The following S100A10 variants were observed in gnomAD, a reference collection of about 807,000 sequenced individuals.
S100A10 encodes the protein protein S100-A10.
A neutral mutation model predicts 7.1 loss-of-function variants in S100A10; 3 were observed. The observed-to-expected ratio is 0.42, with a 90% CI of 0.19 to 1.10. The LOEUF is 1.10. Among genes scored for constraint, S100A10 ranks in the 50% least tolerant of loss-of-function variants. The probability of loss-of-function intolerance (pLI) is 0.29; values close to 1 mark genes in which losing one functional copy is unlikely to be tolerated. For missense variants in S100A10, 101 were observed against 118.1 expected (o/e 0.86, Z 0.67); for synonymous variants, 41 against 39.3 (o/e 1.04, Z -0.16).
chr1:151,988,090 T>A (rs1411506226), intron 1 of S100A10, among the ~76,000 whole-genome samples: 1 of 152,152 alleles, frequency 6.6e-6, no homozygotes, highest in African/African-American at 2.4e-5. Context: ...GAAGCGTTTA[T>A]AAGAAAGGAA....
In S100A10 at chr1:151,983,328, A is replaced by G; in HGVS notation, c.133-4T>C. 1 of 1,354,002 alleles carries G rather than the reference A, an allele frequency of 7.4e-7. No individual in the cohort carries two copies. 83.9% of individuals were successfully genotyped at this position (1,354,002 alleles called of 1,614,324 possible). A position where few individuals can be genotyped will look rare whatever the true frequency, so the allele number is the denominator to read the frequency against. On this transcript the variant is annotated splice_polypyrimidine_tract_variant and splice_region_variant and intron_variant, in intron 2 of 2. Coordinates refer to ENST00000368811, the MANE Select transcript of S100A10 (RefSeq NM_002966.3). Reference sequence around the variant, plus strand: ...CAGCCAGAGGGTCTTTTTGATTCTGAAAAAAAAAAGAACAAAGGCAAGAAA... The same window carrying G: ...CAGCCAGAGGGTCTTTTTGATTCTGGAAAAAAAAAGAACAAAGGCAAGAAA...
chr1:151,984,341 G>A (rs1472611098), intron 2 of S100A10, among the ~76,000 whole-genome samples: 2 of 152,082 alleles, frequency 1.3e-5, no homozygotes, highest in African/African-American at 4.8e-5. Flanking sequence ...TTTCCCACAT[G>A]AGCACTGCAA....
chr1:151,984,647 TC>T (rs1655754641), intron 2 of S100A10, among the ~76,000 whole-genome samples: 1 of 152,216 alleles, frequency 6.6e-6, no homozygotes, highest in South Asian at 2.1e-4. Context: ...TACATGATAC[TC>T]ACTCTGGCTC....
rs531398723 is a variant in S100A10 at position 151,993,589 on chromosome 1, G to A, written c.-22+163C>T. ...GAGGGGCGCTGCTGGCCTCGTTTGGGTGTGGCCCGGAGCACTGAGCAGCGG... is the reference window on the plus strand; with the variant it reads ...GAGGGGCGCTGCTGGCCTCGTTTGGATGTGGCCCGGAGCACTGAGCAGCGG... On this transcript the variant is annotated intron_variant, in intron 1 of 2. Coordinates refer to ENST00000368811, the MANE Select transcript of S100A10 (RefSeq NM_002966.3). The surrounding 1 kb of genome is among the most constrained non-coding windows in gnomAD (Gnocchi z 5.1). Among the ~76,000 whole-genome samples, 3 of 152,292 alleles carry A rather than the reference G, an allele frequency of 2.0e-5. No homozygotes were observed. Among genetic ancestry groups the A allele is most frequent in the African/African-American group, 7.2e-5 (3 of 41,578 alleles).
chr1:151,984,866 TG>T (rs1475446866), intron 2 of S100A10, among the ~76,000 whole-genome samples: 1 of 152,218 alleles, frequency 6.6e-6, no homozygotes, highest in Non-Finnish European at 1.5e-5. Context: ...TGAAGCAACC[TG>T]CCCATTGTTA....
rs375818744 is a variant in S100A10 at position 151,993,157 on chromosome 1, C to T, written c.-22+595G>A. 1.8e-4 allele frequency among the ~76,000 whole-genome samples: 28 copies of T among 152,296 alleles called. 2 individuals carry two copies. The South Asian group carries it at 5.0e-3, about 27-fold the overall frequency. The stretch of plus-strand genomic sequence containing the variant: ...TGTAGAAAGAAAACAAGTGGACCTC[C>T]CTCCCTCAGCAGGAAGACCCTTTCC... On this transcript the variant is annotated intron_variant, in intron 1 of 2. Transcript: ENST00000368811. This position sits in a 1 kb window ranked among gnomAD's most constrained non-coding sequence, Gnocchi z 5.1.
rs866129603 is a variant in S100A10, at chr1:151,988,281, G to C, written c.-21-2030C>G. Reference sequence around the variant, plus strand: ...TAAAATCACTACTGGATAGGAAACAGGTGAACGTGAATGGAGACTGTAATA... The same window carrying C: ...TAAAATCACTACTGGATAGGAAACACGTGAACGTGAATGGAGACTGTAATA... On this transcript the variant is annotated intron_variant, in intron 1 of 2. Coordinates refer to ENST00000368811, the MANE Select transcript of S100A10 (RefSeq NM_002966.3). Among the ~76,000 whole-genome samples, 9 of 152,240 alleles carry C rather than the reference G, an allele frequency of 5.9e-5. 1 individual carries two copies. The Middle Eastern group carries it at 0.014, about 230-fold the overall frequency.
At position 151,986,113 on chromosome 1, in the gene S100A10, G is replaced by C; in HGVS notation, c.118C>G (p.Pro40Ala). Residue 40 changes from proline (P) to alanine (A), a missense_variant, in exon 2 of 3, where the codon CCT (proline) becomes GCT (alanine). Coordinates refer to ENST00000368811, the MANE Select transcript of S100A10 (RefSeq NM_002966.3). ...DLRVLMEKEFPGFLENQKDPL... is the reference protein window; with the variant it reads ...DLRVLMEKEFAGFLENQKDPL... ...TCAACACTTACTTCCAAAAATCCAGGGAACTCCTTTTCCATGAGTACTCTC... is the reference window on the plus strand; with the variant it reads ...TCAACACTTACTTCCAAAAATCCAGCGAACTCCTTTTCCATGAGTACTCTC... 1.3e-6 allele frequency: 2 copies of C among 1,593,610 alleles called. No homozygotes were observed. The highest frequency in any genetic ancestry group is 1.7e-6 in the Non-Finnish European group (2 of 1,174,084).
At chr1:151,991,506 G>C (rs1271863520) in intron 1 of S100A10, among the ~76,000 whole-genome samples, 9 of 152,208 alleles carry the variant, frequency 5.9e-5, no homozygotes, top group Admixed American at 5.9e-4. Context: ...TCCTTTGGTA[G>C]GATGGGTGGT....
chr1:151,987,696 C>T lies in S100A10; in HGVS notation c.-21-1445G>A, dbSNP rs546517233. 1.1e-4 allele frequency among the ~76,000 whole-genome samples: 17 copies of T among 152,094 alleles called. No individual in the cohort carries two copies. In the South Asian group the frequency reaches 1.2e-3, roughly 11 times the overall value. On this transcript the variant is annotated intron_variant, in intron 1 of 2. Coordinates refer to ENST00000368811, the MANE Select transcript of S100A10 (RefSeq NM_002966.3). ...CTGGGACTACAGGTGCCCGCCACCGCGCCCGACTAATTTTTTTGTATTTTT... is the reference window on the plus strand; with the variant it reads ...CTGGGACTACAGGTGCCCGCCACCGTGCCCGACTAATTTTTTTGTATTTTT...
At chr1:151,984,023 A>G (rs568491594) in intron 2 of S100A10, 1 of 152,342 alleles carries the variant, frequency 6.6e-6, no homozygotes, top group Non-Finnish European at 1.5e-5. Context: ...CCTGGTAAGA[A>G]TGTATGGAAC....
rs1655952752 is a variant in S100A10 at position 151,993,504 on chromosome 1, A to G, written c.-22+248T>C. Among the ~76,000 whole-genome samples the G allele has an allele frequency of 6.6e-6, 1 of 152,204 alleles. No homozygotes were observed. The highest frequency in any genetic ancestry group is 1.5e-5 in the Non-Finnish European group (1 of 68,022). ...CACCAATACCACGGTCCCCTCCTAAAGAACAAGTGCCCCCTCCTCTGGTCC... is the reference window on the plus strand; with the variant it reads ...CACCAATACCACGGTCCCCTCCTAAGGAACAAGTGCCCCCTCCTCTGGTCC... On this transcript the variant is annotated intron_variant, in intron 1 of 2. Transcript: ENST00000368811. The surrounding 1 kb of genome is among the most constrained non-coding windows in gnomAD (Gnocchi z 5.1).
chr1:151,985,705 C>T (rs1239260060), intron 2 of S100A10, among the ~76,000 whole-genome samples: 1 of 152,218 alleles, frequency 6.6e-6, no homozygotes, highest in East Asian at 1.9e-4. Flanking sequence ...TTCTGGTTGA[C>T]TACTCTTTTG....
intron 1 of S100A10, among the ~76,000 whole-genome samples, chr1:151,991,050 G>A (rs1412600333): frequency 1.3e-5 from 2 of 152,062 alleles, no homozygotes; most frequent in Admixed American, 6.5e-5. Flanking sequence ...AGAGTGAGTC[G>A]GACTTGCTTT....
intron 1 of S100A10, among the ~76,000 whole-genome samples, chr1:151,989,582 A>G (rs1655862900): frequency 6.6e-6 from 1 of 152,232 alleles, no homozygotes; most frequent in African/African-American, 2.4e-5. Flanking sequence ...AAATAAGACA[A>G]AGGAAAGGGG....
rs1655951146 is a variant in S100A10 at position 151,993,441 on chromosome 1, A to C, written c.-22+311T>G. On this transcript the variant is annotated intron_variant, in intron 1 of 2. Transcript: ENST00000368811. This position sits in a 1 kb window ranked among gnomAD's most constrained non-coding sequence, Gnocchi z 5.1. ...AAAGTAGGAAAGGTGGGAGTAAAGC[A>C]ACGCAAACATAAAGGGAGGAGGGAA... 1.3e-5 allele frequency among the ~76,000 whole-genome samples: 2 copies of C among 152,182 alleles called. No homozygotes were observed.
At chr1:151,985,918 C>T (rs868324805) in intron 2 of S100A10, among the ~76,000 whole-genome samples, 181 bp downstream of exon 2, 5 of 152,152 alleles carry the variant, frequency 3.3e-5, no homozygotes, top group African/African-American at 1.2e-4. Flanking sequence ...ATAGCAGGTA[C>T]TCAATACTAT....
At chr1:151,988,536 G>C (rs1383858886) in intron 1 of S100A10, among the ~76,000 whole-genome samples, 1 of 152,164 alleles carries the variant, frequency 6.6e-6, no homozygotes, top group Non-Finnish European at 1.5e-5. Context: ...CTTAAGAATT[G>C]TAAATTCTAC....
At chr1:151,984,346 C>A (rs897727527) in intron 2 of S100A10, among the ~76,000 whole-genome samples, 3 of 152,114 alleles carry the variant, frequency 2.0e-5, no homozygotes, top group African/African-American at 4.8e-5. Flanking sequence ...CACATGAGCA[C>A]TGCAAACTCC....
Sources: gnomAD v4.1 joint callset for allele counts (sites outside exome capture counted in the v4.1 genomes callset) on GRCh38, gnomAD v4.1.1 for gene constraint, Gnocchi (gnomAD v3.1) non-coding constraint, MANE v1.5 for transcripts, NCBI Gene and HGNC (gene_info 2026-07-23, HGNC 2026-07-21) for gene names.